SMAP1: variants seen among roughly 807,000 people sequenced by gnomAD.
SMAP1 encodes small ArfGAP 1.
In SMAP1, 24 loss-of-function variants were observed where a neutral mutation model predicts 58.5. The observed-to-expected ratio is 0.41, with a 90% confidence interval of 0.30 to 0.58. The LOEUF (loss-of-function observed/expected upper bound fraction) is 0.58, where lower values mean the gene tolerates loss of function less well. SMAP1 is among the 20% of genes least tolerant of loss of function. The pLI is 0.29. For synonymous variants in SMAP1, 216 were observed against 196.6 expected (o/e 1.10, Z -0.82); for missense variants, 563 against 566.3 (o/e 0.99, Z 0.06).
intron 2 of SMAP1, among the ~76,000 whole-genome samples, chr6:70,749,952 T>C (rs1766208317): frequency 6.6e-6 from 1 of 152,220 alleles, no homozygotes; most frequent in Admixed American, 6.5e-5. Flanking sequence ...TCCAAGATTT[T>C]GGAAGATTAA....
chr6:70,768,976 A>T lies in SMAP1; in HGVS notation c.339-4374A>T, dbSNP rs1429729403. Among the ~76,000 whole-genome samples the T allele has an allele frequency of 2.0e-5, 3 of 152,148 alleles. No individual in the cohort carries two copies. In the East Asian group the frequency reaches 5.8e-4, roughly 29 times the overall value. Reference sequence around the variant, plus strand: ...TCTTTGTTCTCGTTGGTTTCAAAGAACATCTTTATTTCTGCCTTCATTTCG... The same window carrying T: ...TCTTTGTTCTCGTTGGTTTCAAAGATCATCTTTATTTCTGCCTTCATTTCG... On this transcript the variant is annotated intron_variant, in intron 3 of 10. Coordinates refer to ENST00000370455, the MANE Select transcript of SMAP1 (RefSeq NM_001044305.3).
intron 3 of SMAP1, among the ~76,000 whole-genome samples, chr6:70,766,971 C>G (rs1192301658): frequency 6.6e-6 from 1 of 151,950 alleles, no homozygotes; most frequent in Non-Finnish European, 1.5e-5. Context: ...ATATGGCTAG[C>G]CAGTTTTCCC....
intron 1 of SMAP1, among the ~76,000 whole-genome samples, chr6:70,693,483 T>C (rs1045551201): frequency 2.0e-5 from 3 of 151,870 alleles, no homozygotes; most frequent in Non-Finnish European, 4.4e-5. Flanking sequence ...TTTGTATTTT[T>C]AGTAGAGACA....
chr6:70,779,695 A>T (rs1446453619), intron 4 of SMAP1, among the ~76,000 whole-genome samples: 1 of 151,960 alleles, frequency 6.6e-6, no homozygotes, highest in Non-Finnish European at 1.5e-5. Flanking sequence ...TTACTTACTG[A>T]TTCCTACTGT....
At chr6:70,850,126 T>A (rs192017876) in intron 7 of SMAP1, among the ~76,000 whole-genome samples, 4 of 152,306 alleles carry the variant, frequency 2.6e-5, no homozygotes, top group Admixed American at 2.6e-4. Flanking sequence ...AGGTACTAAG[T>A]AGAACAGACT....
chr6:70,856,692 T>C (rs1013171919), intron 8 of SMAP1, 167 bp from the exon 9 acceptor site: 8 of 563,612 alleles, frequency 1.4e-5, no homozygotes, highest in Admixed American at 3.5e-5. Context: ...TTGTAGATGT[T>C]TTTATATGGG....
At chr6:70,854,002 G>T (rs927762919) in intron 8 of SMAP1, among the ~76,000 whole-genome samples, 4 of 152,156 alleles carry the variant, frequency 2.6e-5, no homozygotes, top group Non-Finnish European at 4.4e-5. Flanking sequence ...CCACCTCTGA[G>T]GTTTCAGTGT....
At position 70,825,350 on chromosome 6, in the gene SMAP1, G is replaced by A. The variant is rs556701007; in HGVS notation, c.577-11591G>A. 5.3e-5 allele frequency among the ~76,000 whole-genome samples: 8 copies of A among 152,198 alleles called. No homozygotes were observed. In the East Asian group the frequency reaches 1.4e-3, roughly 26 times the overall value. ...CCAGCTGGGAAGTGTCCATGCTGGG[G>A]TTAAAAACTCAGGTGTTTGGCTAAT... is the stretch of plus-strand genomic sequence containing the variant. On this transcript the variant is annotated intron_variant, in intron 6 of 10. Coordinates refer to ENST00000370455, the MANE Select transcript of SMAP1 (RefSeq NM_001044305.3).
chr6:70,667,890 T>A lies in SMAP1; in HGVS notation c.-134T>A. 4.6e-6 allele frequency: 3 copies of A among 654,952 alleles called. No homozygotes were observed. Among genetic ancestry groups the A allele is most frequent in the Non-Finnish European group, 7.2e-6 (3 of 416,356 alleles). The allele number at this position is 654,952 out of a possible 1,614,324, so 40.6% of individuals were successfully genotyped here. On this transcript the variant is annotated 5_prime_UTR_variant, in exon 1 of 11. Transcript: ENST00000370455. ...CCGCCGCCGCCGCCCCTCCTCCCGTTCCAGCTGCCGCTGCCGCTTCCTGGG... is the reference window on the plus strand; with the variant it reads ...CCGCCGCCGCCGCCCCTCCTCCCGTACCAGCTGCCGCTGCCGCTTCCTGGG...
intron 6 of SMAP1, among the ~76,000 whole-genome samples, chr6:70,835,121 G>A (rs2474912): frequency 0.42 from 63,782 of 150,774 alleles, 14,003 homozygotes; most frequent in South Asian, 0.5. Flanking sequence ...GTGTGGTGGT[G>A]GGCACCTGTA....
intron 5 of SMAP1, among the ~76,000 whole-genome samples, chr6:70,794,983 T>TG (rs1340773225): frequency 1.3e-5 from 2 of 151,898 alleles, no homozygotes; most frequent in Non-Finnish European, 2.9e-5. Flanking sequence ...GGAGATGGGG[T>TG]TTCACCGTGT....
intron 6 of SMAP1, among the ~76,000 whole-genome samples, chr6:70,836,190 G>C (rs1582283456): frequency 6.6e-6 from 1 of 152,142 alleles, no homozygotes; most frequent in African/African-American, 2.4e-5. Flanking sequence ...GCAATTTACA[G>C]AAGAAAGAGG....
chr6:70,739,735 A>T lies in SMAP1; in HGVS notation c.252+7224A>T, dbSNP rs1765742417. On this transcript the variant is annotated intron_variant, in intron 2 of 10. Coordinates refer to ENST00000370455, the MANE Select transcript of SMAP1 (RefSeq NM_001044305.3). ...CTGTATGTTGGATCTTTATTACCTA[A>T]TGGCAATATTTATCATTTGCTTTTG... 2.0e-5 allele frequency among the ~76,000 whole-genome samples: 3 copies of T among 151,896 alleles called. No individual in the cohort carries two copies. In the South Asian group the frequency reaches 6.2e-4, roughly 32 times the overall value.
At position 70,852,650 on chromosome 6, in the gene SMAP1, A is replaced by G. The variant is rs775851987; in HGVS notation, c.775A>G (p.Met259Val). 11 of 1,606,014 alleles carry G rather than the reference A, an allele frequency of 6.8e-6. No individual in the cohort carries two copies. Among genetic ancestry groups the G allele is most frequent in the Non-Finnish European group, 8.5e-6 (10 of 1,176,342 alleles). The change falls in exon 8 of 11, where the codon ATG (methionine) becomes GTG (valine). Residue 259 changes from methionine to valine, a missense_variant. Around this residue, in one of 3 missense-constraint regions of SMAP1, gnomAD observed 494 missense variants for 473.8 expected, o/e 1.04. Coordinates refer to ENST00000370455, the MANE Select transcript of SMAP1 (RefSeq NM_001044305.3). ...TTCTAATCCCTTACCTGCAACTGTC[A>G]TGCCCCCAGCTCAGGTATGTGATAA... The part of the protein sequence containing the change: ...MISNPLPATV[M>V]PPAQGTPSAP...
At chr6:70,686,401 G>T (rs80246341) in intron 1 of SMAP1, among the ~76,000 whole-genome samples, 1 of 152,040 alleles carries the variant, frequency 6.6e-6, no homozygotes, top group Non-Finnish European at 1.5e-5. Flanking sequence ...AATTTGTTTC[G>T]CAGCGGAAGG....
intron 2 of SMAP1, among the ~76,000 whole-genome samples, chr6:70,749,980 GTCT>G (rs999490009): frequency 6.6e-6 from 1 of 152,180 alleles, no homozygotes; most frequent in African/African-American, 2.4e-5. Flanking sequence ...TATTTGACAA[GTCT>G]TCTTTTCAGG....
chr6:70,739,087 C>T (rs1765720660), intron 2 of SMAP1, among the ~76,000 whole-genome samples: 1 of 152,088 alleles, frequency 6.6e-6, no homozygotes, highest in Non-Finnish European at 1.5e-5. Flanking sequence ...TATTGATAGG[C>T]AGTCAAAATT....
At chr6:70,727,245 A>G (rs1221181298) in intron 1 of SMAP1, among the ~76,000 whole-genome samples, 1 of 152,024 alleles carries the variant, frequency 6.6e-6, no homozygotes, top group East Asian at 1.9e-4. Context: ...AGTAGCTGGG[A>G]CTACAGGCAC....
chr6:70,772,401 G>C (rs945237681), intron 3 of SMAP1, among the ~76,000 whole-genome samples: 6 of 152,112 alleles, frequency 3.9e-5, no homozygotes, highest in Admixed American at 3.9e-4. Context: ...TTAACTTGGG[G>C]GATCCACAGA....
Sources: gnomAD v4.1 joint callset for allele counts (sites outside exome capture counted in the v4.1 genomes callset) on GRCh38, gnomAD v4.1.1 for gene constraint, gnomAD v4.1.1 regional missense constraint, MANE v1.5 for transcripts, NCBI Gene and HGNC (gene_info 2026-07-23, HGNC 2026-07-21) for gene names.